The following TENM3 variants were observed in gnomAD, a reference collection of about 807,000 sequenced individuals.
The protein encoded by TENM3 is teneurin-3.
Under a neutral mutation model 255.1 loss-of-function variants are expected in TENM3, and 63 were observed. The observed-to-expected ratio is 0.25, with a 90% confidence interval of 0.20 to 0.30. TENM3 has a LOEUF of 0.30. Ranked by LOEUF, TENM3 falls within the 10% of genes least tolerant of loss-of-function variation. The pLI, the probability that TENM3 is intolerant of heterozygous loss-of-function variation, is 1.00. For synonymous variants in TENM3, 1,306 were observed against 1,322.3 expected (o/e 0.99, Z 0.27); for missense variants, 2,929 against 3,461.1 (o/e 0.85, Z 3.86).
chr4:181,673,835 A>T, the TENM3 span, among the ~76,000 whole-genome samples: 6 of 148,208 alleles, frequency 4.0e-5, no homozygotes, highest in South Asian at 6.6e-4. Context: ...TTGGAAAGTC[A>T]GAAGTGTGTG....
chr4:181,852,397 C>T, the TENM3 span, among the ~76,000 whole-genome samples: 3 of 152,176 alleles, frequency 2.0e-5, no homozygotes, highest in African/African-American at 7.2e-5. Flanking sequence ...CACTCACTGA[C>T]TGTGGGACTT....
At chr4:182,403,159 G>A (rs1353828510) in intron 3 of TENM3, among the ~76,000 whole-genome samples, 1 of 152,212 alleles carries the variant, frequency 6.6e-6, no homozygotes, top group Non-Finnish European at 1.5e-5. Context: ...GGCAAATACG[G>A]CAGCTCAGTC....
At chr4:181,618,947 A>G in the TENM3 span, among the ~76,000 whole-genome samples, 1 of 152,108 alleles carries the variant, frequency 6.6e-6, no homozygotes, top group African/African-American at 2.4e-5. Flanking sequence ...GCCCCTGCAG[A>G]TCCACTCTCT....
the TENM3 span, among the ~76,000 whole-genome samples, chr4:181,889,734 GT>G: frequency 2.6e-5 from 4 of 152,222 alleles, no homozygotes; most frequent in Non-Finnish European, 4.4e-5. Flanking sequence ...GTATTTTCTG[GT>G]TGCATTTTGG....
chr4:181,712,846 T>A, the TENM3 span, among the ~76,000 whole-genome samples: 1 of 152,190 alleles, frequency 6.6e-6, no homozygotes, highest in Non-Finnish European at 1.5e-5. Context: ...AGTAACAGAA[T>A]CCTCAGCTAA....
chr4:182,603,158 A>C (rs1214897737), intron 4 of TENM3, among the ~76,000 whole-genome samples: 1 of 152,184 alleles, frequency 6.6e-6, no homozygotes, highest in Non-Finnish European at 1.5e-5. Flanking sequence ...AAGAAAATCC[A>C]CTGTAGCCAT....
chr4:182,516,216 A>G (rs189723882), intron 3 of TENM3, among the ~76,000 whole-genome samples: 97 of 152,354 alleles, frequency 6.4e-4, no homozygotes, highest in African/African-American at 2.1e-3. Context: ...TCTGCAAAAC[A>G]TCAAATAAGT....
intron 1 of TENM3, among the ~76,000 whole-genome samples, chr4:182,287,281 C>A (rs947105422): frequency 6.6e-6 from 1 of 152,120 alleles, no homozygotes; most frequent in African/African-American, 2.4e-5. Flanking sequence ...GTGATCTGGC[C>A]CCTGCCTGGT....
intron 1 of TENM3, among the ~76,000 whole-genome samples, chr4:182,214,830 G>A (rs535358321): frequency 6.6e-6 from 1 of 152,226 alleles, no homozygotes; most frequent in African/African-American, 2.4e-5. Context: ...TGACTAAGGA[G>A]CATTCTTTTT....
chr4:181,520,410 CGT>C, the TENM3 span, among the ~76,000 whole-genome samples: 5 of 151,712 alleles, frequency 3.3e-5, no homozygotes, highest in African/African-American at 1.2e-4. Context: ...GGGGTACCTG[CGT>C]GTGTGTGTGT....
intron 3 of TENM3, among the ~76,000 whole-genome samples, chr4:182,555,708 A>G (rs1742516039): frequency 1.3e-5 from 2 of 152,196 alleles, no homozygotes; most frequent in South Asian, 4.1e-4. Flanking sequence ...TGGGTTTTAA[A>G]TTGTTGCCCT....
chr4:182,253,209 C>T (rs1363867809), intron 1 of TENM3, among the ~76,000 whole-genome samples: 1 of 152,182 alleles, frequency 6.6e-6, no homozygotes, highest in Non-Finnish European at 1.5e-5. Context: ...TGGTGGCTCA[C>T]ACCTGTAATT....
chr4:181,998,146 G>T, the TENM3 span, among the ~76,000 whole-genome samples: 1 of 152,164 alleles, frequency 6.6e-6, no homozygotes, highest in African/African-American at 2.4e-5. Context: ...TCTGATGAGG[G>T]TCATGGTCAT....
the TENM3 span, among the ~76,000 whole-genome samples, chr4:182,056,945 T>C: frequency 6.6e-6 from 1 of 151,622 alleles, no homozygotes; most frequent in Non-Finnish European, 1.5e-5. Context: ...AAAGAATATG[T>C]TCAGCTTACT....
chr4:182,369,884 A>C (rs1766686539), intron 3 of TENM3, among the ~76,000 whole-genome samples: 1 of 149,926 alleles, frequency 6.7e-6, no homozygotes, highest in Non-Finnish European at 1.5e-5. Context: ...TCTCAAAAAA[A>C]GAAAGAAGGA....
chr4:182,629,103 A>G (rs1331287947), intron 5 of TENM3, among the ~76,000 whole-genome samples: 1 of 152,128 alleles, frequency 6.6e-6, no homozygotes, highest in Non-Finnish European at 1.5e-5. Context: ...TAGTGAGGTA[A>G]TATTCTTGGA....
chr4:182,598,812 TCA>T (rs1747539774), intron 3 of TENM3, among the ~76,000 whole-genome samples: 1 of 152,356 alleles, frequency 6.6e-6, no homozygotes, highest in African/African-American at 2.4e-5. Flanking sequence ...ATAGTATTTC[TCA>T]CATTACAGGT....
chr4:182,639,940 A>T (rs1364848823), intron 5 of TENM3, among the ~76,000 whole-genome samples: 1 of 152,068 alleles, frequency 6.6e-6, no homozygotes, highest in Non-Finnish European at 1.5e-5. Context: ...AATACAAAAA[A>T]TTAGCCGGGC....
intron 1 of TENM3, among the ~76,000 whole-genome samples, chr4:182,200,289 T>C (rs1754107146): frequency 6.6e-6 from 1 of 152,232 alleles, no homozygotes; most frequent in South Asian, 2.1e-4. Context: ...AATAGTATTA[T>C]TGAACCCAAA....
Sources: allele counts gnomAD v4.1 joint callset (sites outside exome capture counted in the v4.1 genomes callset), GRCh38; gene constraint gnomAD v4.1.1; transcripts MANE v1.5; gene names NCBI Gene and HGNC (gene_info 2026-07-23, HGNC 2026-07-21).